Variants in INPP5B observed in about 807,000 individuals in gnomAD.
INPP5B encodes the protein type II inositol 1,4,5-trisphosphate 5-phosphatase.
A neutral mutation model predicts 118.5 loss-of-function variants in INPP5B; 90 were observed. The observed-to-expected ratio is 0.76, with a 90% CI of 0.64 to 0.90. The LOEUF (loss-of-function observed/expected upper bound fraction) is 0.90. INPP5B is among the 40% of genes least tolerant of loss of function. INPP5B has a pLI of 0.00. For missense variants in INPP5B, 984 were observed against 1,125.6 expected (o/e 0.87, Z 1.80); for synonymous variants, 385 against 418.9 (o/e 0.92, Z 0.99).
chr1:37,906,430 T>TA (rs35207561), intron 7 of INPP5B, among the ~76,000 whole-genome samples: 1 of 152,242 alleles, frequency 6.6e-6, no homozygotes, highest in Non-Finnish European at 1.5e-5. Context: ...AAAGCCTATG[T>TA]AAAAAAATAT....
intron 7 of INPP5B, among the ~76,000 whole-genome samples, chr1:37,903,292 T>C (rs1415501600): frequency 1.3e-5 from 2 of 152,136 alleles, no homozygotes; most frequent in African/African-American, 4.8e-5. Context: ...GAGAATGACC[T>C]AGGTCATCCT....
At chr1:37,887,868 A>G (rs928685760) in intron 10 of INPP5B, among the ~76,000 whole-genome samples, 22 of 152,144 alleles carry the variant, frequency 1.4e-4, no homozygotes, top group Non-Finnish European at 2.9e-4. Flanking sequence ...AGATTAAAAA[A>G]AAAAAAGACT....
Position 37,943,554 on chromosome 1 carries a change from G to A in INPP5B, c.280+86C>T. The A allele has an allele frequency of 2.8e-6, 4 of 1,419,676 alleles. No individual in the cohort carries two copies. In the South Asian group the frequency reaches 4.9e-5, roughly 17 times the overall value. 87.9% of individuals were successfully genotyped at this position (1,419,676 alleles called of 1,614,324 possible). A position where few individuals can be genotyped will look rare whatever the true frequency, so the allele number is the denominator to read the frequency against. On this transcript the variant is annotated intron_variant, in intron 5 of 23. Coordinates refer to ENST00000373024, the MANE Select transcript of INPP5B (RefSeq NM_005540.3). Reference sequence around the variant, plus strand: ...ACTTGCTGCAATAAGTTTAGCAGGGGGTGCTCTTACTTTACACCATTCTTC... The same window carrying A: ...ACTTGCTGCAATAAGTTTAGCAGGGAGTGCTCTTACTTTACACCATTCTTC...
At chr1:37,888,977 G>C (rs930665826) in intron 9 of INPP5B, among the ~76,000 whole-genome samples, 2 of 152,222 alleles carry the variant, frequency 1.3e-5, no homozygotes, top group South Asian at 4.1e-4. Flanking sequence ...AAGAGGCCAG[G>C]TGTGGTGGTT....
At position 37,888,354 on chromosome 1, in the gene INPP5B, A is replaced by G; in HGVS notation, c.798-10T>C. On this transcript the variant is annotated splice_polypyrimidine_tract_variant and intron_variant, in intron 9 of 23. Coordinates refer to ENST00000373024, the MANE Select transcript of INPP5B (RefSeq NM_005540.3). Reference sequence around the variant, plus strand: ...TGTTCCCGCAAAAAACCTGTCACCAAAGAGAAATAATTAGTGACTCCGAAT... The same window carrying G: ...TGTTCCCGCAAAAAACCTGTCACCAGAGAGAAATAATTAGTGACTCCGAAT... 1 of 1,503,078 alleles carries G rather than the reference A, an allele frequency of 6.7e-7. No individual in the cohort carries two copies. The highest frequency in any genetic ancestry group is 8.9e-7 in the Non-Finnish European group (1 of 1,117,668). 93.1% of individuals were successfully genotyped at this position (1,503,078 alleles called of 1,614,324 possible). A position where few individuals can be genotyped will look rare whatever the true frequency, so the allele number is the denominator to read the frequency against.
chr1:37,935,414 G>A (rs1645649053), intron 6 of INPP5B, among the ~76,000 whole-genome samples: 1 of 151,068 alleles, frequency 6.6e-6, no homozygotes, highest in South Asian at 2.1e-4. Context: ...GGCTGGTCTT[G>A]AACTCCTGAC....
At position 37,885,534 on chromosome 1, in the gene INPP5B, T is replaced by C. The variant is rs533678674; in HGVS notation, c.1319+104A>G. On this transcript the variant is annotated intron_variant, in intron 13 of 23. Coordinates refer to ENST00000373024, the MANE Select transcript of INPP5B (RefSeq NM_005540.3). ...AACCAAGAGGTGGGAGCTACCACCATTGCAGCAATAGGAAACCACCACCAG... is the reference window on the plus strand; with the variant it reads ...AACCAAGAGGTGGGAGCTACCACCACTGCAGCAATAGGAAACCACCACCAG... 5.3e-4 allele frequency: 491 copies of C among 924,654 alleles called. 1 individual carries two copies. The highest frequency in any genetic ancestry group is 1.8e-3 in the South Asian group (112 of 61,308). The allele number at this position is 924,654 out of a possible 1,614,324, so 57.3% of individuals were successfully genotyped here. A position where few individuals can be genotyped will look rare whatever the true frequency, so the allele number is the denominator to read the frequency against.
chr1:37,871,190 GCTCATGCTTGTAAT>G (rs1362314532), intron 19 of INPP5B, among the ~76,000 whole-genome samples: 4 of 149,594 alleles, frequency 2.7e-5, no homozygotes, highest in Non-Finnish European at 5.9e-5. Context: ...GGGCGCAGTG[GCTCATGCTTGTAAT>G]CCCAACACTT....
intron 8 of INPP5B, 78 bp from the exon 9 acceptor site, chr1:37,889,802 C>A: frequency 9.0e-7 from 1 of 1,111,698 alleles, no homozygotes; most frequent in South Asian, 1.6e-5. Context: ...CTAAAAGTTC[C>A]CCTATACAAG....
intron 6 of INPP5B, among the ~76,000 whole-genome samples, chr1:37,935,348 C>G (rs1490152607): frequency 1.3e-5 from 2 of 150,824 alleles, no homozygotes; most frequent in Non-Finnish European, 3.0e-5. Flanking sequence ...CGTGCCACCA[C>G]GCCTGGCTAA....
At position 37,878,237 on chromosome 1, in the gene INPP5B, G is replaced by A. The variant is rs745602523; in HGVS notation, c.1628C>T (p.Ala543Val). ...ITQLSYQSHM[A>V]LKTSDHKPVS... ...AGGCTTGTGGTCACTGGTCTTCAGG[G>A]CCATGTGGCTCTGGTAACTCAGCTG... Residue 543 changes from alanine to valine, a missense_variant, in exon 16 of 24, where the codon GCC becomes GTC. This residue lies in a region of INPP5B where 634 missense variants were observed against 791.0 expected (regional missense o/e 0.80). Coordinates refer to ENST00000373024, the MANE Select transcript of INPP5B (RefSeq NM_005540.3). 5.6e-6 allele frequency: 9 copies of A among 1,613,994 alleles called. No homozygotes were observed. In the South Asian group the frequency reaches 8.8e-5, roughly 16 times the overall value.
rs984364747 is a variant in INPP5B, at chr1:37,883,803, C to A, written c.1320-885G>T. 3.0e-6 allele frequency: 3 copies of A among 985,294 alleles called. No homozygotes were observed. The African/African-American group carries it at 5.2e-5, about 17-fold the overall frequency. The allele number at this position is 985,294 out of a possible 1,614,324, so 61.0% of individuals were successfully genotyped here. ...CTCCAGATAGTTCCACCTCGGCAGG[C>A]AGGACAAGAGGCGTTAACTCTGTTT... On this transcript the variant is annotated intron_variant, in intron 13 of 23. Transcript: ENST00000373024.
intron 22 of INPP5B, among the ~76,000 whole-genome samples, chr1:37,865,022 A>G (rs759193526): frequency 1.3e-5 from 2 of 152,162 alleles, no homozygotes; most frequent in African/African-American, 4.8e-5. Flanking sequence ...CCCCATCTCT[A>G]CTAAAAATAC....
chr1:37,865,123 C>T (rs1284068827), intron 22 of INPP5B, among the ~76,000 whole-genome samples: 3 of 151,464 alleles, frequency 2.0e-5, no homozygotes, highest in Non-Finnish European at 2.9e-5. Flanking sequence ...GGAGGCATTA[C>T]AGTGAGCTGA....
At chr1:37,874,751 G>A (rs557299841) in intron 17 of INPP5B, among the ~76,000 whole-genome samples, 25 of 152,286 alleles carry the variant, frequency 1.6e-4, no homozygotes, top group Middle Eastern at 3.4e-3. Flanking sequence ...AGCCGAGATC[G>A]TGCCATTGCA....
At chr1:37,933,330 C>T (rs896893144) in intron 6 of INPP5B, among the ~76,000 whole-genome samples, 19 of 152,186 alleles carry the variant, frequency 1.2e-4, no homozygotes, top group Non-Finnish European at 1.8e-4. Context: ...GGGCAGATCA[C>T]GAGGTCAGGA....
rs777250996 is a variant in INPP5B at position 37,946,280 on chromosome 1, G to A, written c.29C>T (p.Thr10Met). 11 of 1,611,958 alleles carry A rather than the reference G, an allele frequency of 6.8e-6. No individual in the cohort carries two copies. Among genetic ancestry groups the A allele is most frequent in the South Asian group, 2.2e-5 (2 of 90,394 alleles). Residue 10 changes from threonine to methionine, a missense_variant, in exon 2 of 24, where the codon ACG becomes ATG. Coordinates refer to ENST00000373024, the MANE Select transcript of INPP5B (RefSeq NM_005540.3). ...GACGCAGTATTCCCCCTCAGCCAGC[G>A]TCTCCTGGATTGCCACAGACTGGTC... MDQSVAIQE[T>M]LAEGEYCVIA...
intron 7 of INPP5B, among the ~76,000 whole-genome samples, chr1:37,901,070 A>G (rs1644315140): frequency 6.6e-6 from 1 of 152,286 alleles, no homozygotes; most frequent in South Asian, 2.1e-4. Flanking sequence ...TCGGCCTCTC[A>G]AAGTGCCGGG....
At position 37,885,402 on chromosome 1, in the gene INPP5B, C is replaced by T. The variant is rs139082377; in HGVS notation, c.1319+236G>A. ...GTACTCCAGCCTAGGCGACAGAGCGCGACTCCATCTCGAAAAAAAAAAAAG... is the reference window on the plus strand; with the variant it reads ...GTACTCCAGCCTAGGCGACAGAGCGTGACTCCATCTCGAAAAAAAAAAAAG... On this transcript the variant is annotated intron_variant, in intron 13 of 23. Transcript: ENST00000373024. 974 of 392,940 alleles carry T rather than the reference C, an allele frequency of 2.5e-3. 6 individuals carry two copies. Among genetic ancestry groups the T allele is most frequent in the African/African-American group, 0.019 (912 of 49,170 alleles). 24.3% of individuals were successfully genotyped at this position (392,940 alleles called of 1,614,324 possible).
Sources: gnomAD v4.1 joint callset for allele counts (sites outside exome capture counted in the v4.1 genomes callset) on GRCh38, gnomAD v4.1.1 for gene constraint, gnomAD v4.1.1 regional missense constraint, MANE v1.5 for transcripts, NCBI Gene and HGNC (gene_info 2026-07-23, HGNC 2026-07-21) for gene names.